Variants in GABRB2 observed in about 807,000 individuals in gnomAD.
GABRB2 encodes gamma-aminobutyric acid receptor subunit beta-2.
In GABRB2, 16 loss-of-function variants were observed where a neutral mutation model predicts 54.7. The ratio of observed to expected loss-of-function variants is 0.29; its 90% CI spans 0.20 to 0.44. The LOEUF is 0.44. Among genes scored for constraint, GABRB2 ranks in the 20% least tolerant of loss-of-function variants. The pLI is 1.00. For missense variants in GABRB2, 355 were observed against 644.0 expected (o/e 0.55, Z 4.86); for synonymous variants, 244 against 233.8 (o/e 1.04, Z -0.40).
chr5:161,414,224 A>G (rs1471643166), intron 4 of GABRB2, among the ~76,000 whole-genome samples: 1 of 152,204 alleles, frequency 6.6e-6, no homozygotes, highest in Non-Finnish European at 1.5e-5. Flanking sequence ...CATATGGTCG[A>G]TGATGAGTAA....
intron 5 of GABRB2, among the ~76,000 whole-genome samples, chr5:161,349,305 T>C (rs1754403611): frequency 1.3e-5 from 2 of 152,056 alleles, no homozygotes; most frequent in Admixed American, 6.6e-5. Flanking sequence ...TAAATGATTA[T>C]TAAGATATTG....
chr5:161,307,175 A>T (rs1213579574), intron 9 of GABRB2, among the ~76,000 whole-genome samples: 1 of 152,108 alleles, frequency 6.6e-6, no homozygotes, highest in Non-Finnish European at 1.5e-5. Context: ...CTCAGTTCAA[A>T]TTCTTTTTTC....
intron 5 of GABRB2, among the ~76,000 whole-genome samples, chr5:161,337,197 GATAAA>G (rs1465481285): frequency 2.0e-5 from 3 of 151,994 alleles, no homozygotes; most frequent in African/African-American, 4.8e-5. Flanking sequence ...TTTATAAGAA[GATAAA>G]ATAAGAGAAC....
At chr5:161,371,211 G>T (rs888594441) in intron 5 of GABRB2, among the ~76,000 whole-genome samples, 1 of 152,050 alleles carries the variant, frequency 6.6e-6, no homozygotes, top group Non-Finnish European at 1.5e-5. Flanking sequence ...CATGATCTGG[G>T]CAGAAACTCT....
chr5:161,511,926 A>G (rs1759783073), intron 3 of GABRB2, among the ~76,000 whole-genome samples: 1 of 152,150 alleles, frequency 6.6e-6, no homozygotes, highest in Admixed American at 6.6e-5. Flanking sequence ...CATTCAGAGG[A>G]ACTGGAAGTT....
chr5:161,477,233 T>A (rs1463566798), intron 3 of GABRB2, among the ~76,000 whole-genome samples: 1 of 147,958 alleles, frequency 6.8e-6, no homozygotes, highest in East Asian at 2.0e-4. Context: ...CAATGAGATA[T>A]CTATCACTTT....
At chr5:161,519,198 C>G (rs1393410691) in intron 3 of GABRB2, among the ~76,000 whole-genome samples, 2 of 152,130 alleles carry the variant, frequency 1.3e-5, no homozygotes, top group African/African-American at 2.4e-5. Context: ...AGACTGTAAG[C>G]CACAACTGAA....
chr5:161,310,134 G>A (rs927931971), intron 9 of GABRB2, among the ~76,000 whole-genome samples: 15 of 152,088 alleles, frequency 9.9e-5, no homozygotes, highest in African/African-American at 3.4e-4. Context: ...GTCACATTGA[G>A]GGGAACAACA....
chr5:161,395,880 C>T (rs1202118709), intron 5 of GABRB2, among the ~76,000 whole-genome samples: 1 of 152,074 alleles, frequency 6.6e-6, no homozygotes, highest in Non-Finnish European at 1.5e-5. Context: ...GTAATTCTCT[C>T]CAACTCAATG....
At chr5:161,531,371 T>C (rs897653232) in intron 3 of GABRB2, among the ~76,000 whole-genome samples, 3 of 152,164 alleles carry the variant, frequency 2.0e-5, no homozygotes, top group African/African-American at 7.2e-5. Context: ...TATATGCTTG[T>C]TTAAAAGCCA....
chr5:161,415,115 G>A (rs1756626929), intron 4 of GABRB2, among the ~76,000 whole-genome samples: 1 of 152,180 alleles, frequency 6.6e-6, no homozygotes, highest in African/African-American at 2.4e-5. Context: ...ACTACTAGGT[G>A]TCTTTGAAGT....
At chr5:161,463,432 C>A (rs1294640155) in intron 3 of GABRB2, among the ~76,000 whole-genome samples, 2 of 150,362 alleles carry the variant, frequency 1.3e-5, no homozygotes, top group Non-Finnish European at 3.0e-5. Flanking sequence ...GATGTTGATA[C>A]TCTCTAAATT....
Position 161,330,899 on chromosome 5 carries a change from C to T in GABRB2, c.1061G>A (p.Arg354His), listed in dbSNP as rs371217448. Residue 354 changes from arginine (R) to histidine (H), a missense_variant, in exon 8 of 10, where the codon CGC (arginine) becomes CAC (histidine). By Grantham distance (29) the Arg-to-His change is conservative (BLOSUM62 0). Transcript: ENST00000393959. ...TGAATTTACCTTGTTGACATCCAGG[C>T]GCATCTTCTCATTGTTGGCACTGGC... Reference protein sequence around the residue: ...KAASANNEKMRLDVNKIFYKD... With the variant: ...KAASANNEKMHLDVNKIFYKD... 117 of 1,614,080 alleles carry T rather than the reference C, an allele frequency of 7.2e-5. No homozygotes were observed. Among genetic ancestry groups the T allele is most frequent in the Admixed American group, 1.7e-4 (10 of 60,012 alleles).
chr5:161,349,531 T>G (rs896401204), intron 5 of GABRB2, among the ~76,000 whole-genome samples: 2 of 152,086 alleles, frequency 1.3e-5, no homozygotes, highest in Non-Finnish European at 2.9e-5. Flanking sequence ...TATTTATTGA[T>G]GCACTTCTGA....
chr5:161,313,293 TC>T (rs1757930028), intron 9 of GABRB2, among the ~76,000 whole-genome samples: 1 of 152,122 alleles, frequency 6.6e-6, no homozygotes. Context: ...TAAACCTCTT[TC>T]CAGGGTTAAA....
At chr5:161,535,564 G>A (rs1454123522) in intron 3 of GABRB2, among the ~76,000 whole-genome samples, 3 of 152,190 alleles carry the variant, frequency 2.0e-5, no homozygotes, top group African/African-American at 7.2e-5. Context: ...AAGATTGAGA[G>A]ATGTGAAGGC....
rs568343034 is a variant in GABRB2 at position 161,430,253 on chromosome 5, G to A, written c.459-19196C>T. On this transcript the variant is annotated intron_variant, in intron 4 of 9. Transcript: ENST00000393959. ...TTCCAGTCAGTATGGAACTGTATGA[G>A]TACATGGCCACAGCCAGGATATCTA... 7.2e-5 allele frequency among the ~76,000 whole-genome samples: 11 copies of A among 152,326 alleles called. No homozygotes were observed. In the South Asian group the frequency reaches 1.9e-3, roughly 26 times the overall value.
intron 4 of GABRB2, among the ~76,000 whole-genome samples, chr5:161,419,314 G>A (rs758245581): frequency 8.5e-5 from 13 of 152,138 alleles, no homozygotes; most frequent in Non-Finnish European, 1.8e-4. Context: ...AATAGCAGAT[G>A]TTGGCAAGGA....
At chr5:161,344,478 T>G (rs1754258948) in intron 5 of GABRB2, among the ~76,000 whole-genome samples, 1 of 152,026 alleles carries the variant, frequency 6.6e-6, no homozygotes, top group Non-Finnish European at 1.5e-5. Flanking sequence ...GTTTCCGCCT[T>G]CCTCCAATTT....
Sources: gnomAD v4.1 joint callset for allele counts (sites outside exome capture counted in the v4.1 genomes callset) on GRCh38, gnomAD v4.1.1 for gene constraint, MANE v1.5 for transcripts, NCBI Gene and HGNC (gene_info 2026-07-23, HGNC 2026-07-21) for gene names.